SCG3: variants seen among roughly 807,000 people sequenced by gnomAD.
The protein encoded by SCG3 is secretogranin-3.
A neutral mutation model predicts 56.2 loss-of-function variants in SCG3; 38 were observed. The ratio of observed to expected loss-of-function variants is 0.68; its 90% confidence interval spans 0.52 to 0.89. SCG3 has a LOEUF of 0.89. SCG3 is among the 40% of genes least tolerant of loss of function. The probability of loss-of-function intolerance (pLI) is 0.00; values close to 1 mark genes in which losing one functional copy is unlikely to be tolerated. For missense variants in SCG3, 524 were observed against 540.7 expected, an observed-to-expected ratio of 0.97 and a Z score of 0.31; for synonymous variants, 176 against 184.2, an observed-to-expected ratio of 0.96 and a Z score of 0.36.
intron 8 of SCG3, among the ~76,000 whole-genome samples, chr15:51,697,817 A>G (rs1281699761): frequency 6.6e-6 from 1 of 152,198 alleles, no homozygotes; most frequent in African/African-American, 2.4e-5. Context: ...TTATATACAT[A>G]TATGTATTAT....
At chr15:51,682,590 T>A in intron 2 of SCG3, 21 bp downstream of exon 2, 1 of 1,271,734 alleles carries the variant, frequency 7.9e-7, no homozygotes, top group South Asian at 1.4e-5. Context: ...AGTAACATTA[T>A]GAATGCTATT....
chr15:51,687,968 G>T (rs2055240030), intron 4 of SCG3, among the ~76,000 whole-genome samples: 1 of 152,074 alleles, frequency 6.6e-6, no homozygotes. Context: ...GTATAATATG[G>T]TTTGTATTAT....
chr15:51,711,174 T>C (rs2055418394), intron 10 of SCG3, among the ~76,000 whole-genome samples: 2 of 152,232 alleles, frequency 1.3e-5, no homozygotes, highest in Non-Finnish European at 2.9e-5. Flanking sequence ...ATTTCATCCG[T>C]CATCAGTTGA....
rs538833860 is a variant in SCG3, at chr15:51,717,046, C to T, written c.1289-2362C>T. On this transcript the variant is annotated intron_variant, in intron 11 of 11. Transcript: ENST00000220478. ...TTTGAGACCAGCCTGGTCAACATAG[C>T]GAGACCCCATCTCCACAAAAAATTT... Among the ~76,000 whole-genome samples, 26 of 151,774 alleles carry T rather than the reference C, an allele frequency of 1.7e-4. 1 individual carries two copies. The East Asian group carries it at 2.6e-3, about 15-fold the overall frequency.
At chr15:51,701,064 A>G in intron 9 of SCG3, 43 bp from the exon 10 acceptor site, 1 of 1,604,922 alleles carries the variant, frequency 6.2e-7, no homozygotes, top group Non-Finnish European at 8.5e-7. Context: ...CAATTAATAG[A>G]TAGGAAACAG....
rs764247472 is a variant in SCG3, at chr15:51,683,402, C to G, written c.365C>G (p.Ser122Cys). 2.7e-5 allele frequency: 43 copies of G among 1,612,578 alleles called. No homozygotes were observed. The highest frequency in any genetic ancestry group is 8.4e-5 in the Admixed American group (5 of 59,862). ...CGAAAACTGATCGATGATTATGACT[C>G]TACTAAGAGTGGATTGGATCATAAA... ...KNRKLIDDYD[S>C]TKSGLDHKFQ... The change falls in exon 4 of 12, where the codon TCT becomes TGT. Residue 122 changes from serine to cysteine, a missense_variant. Physicochemically the swap from Ser to Cys is moderately radical, Grantham distance 112. Coordinates refer to ENST00000220478, the MANE Select transcript of SCG3 (RefSeq NM_013243.4).
intron 9 of SCG3, among the ~76,000 whole-genome samples, chr15:51,700,657 A>G (rs1294196650): frequency 6.6e-6 from 1 of 152,184 alleles, no homozygotes; most frequent in East Asian, 1.9e-4. Context: ...TCAAAAATGC[A>G]ATGTCAAGGA....
rs768265334 is a variant in SCG3, at chr15:51,692,345, T to G, written c.868+9T>G. On this transcript the variant is annotated intron_variant, in intron 7 of 11. Transcript: ENST00000220478. The stretch of plus-strand genomic sequence containing the variant: ...GAAAAGTATTGATTCAGGTAACCAC[T>G]GTGTGGTTGTGATTATGTGGAACAG... 26 of 1,606,402 alleles carry G rather than the reference T, an allele frequency of 1.6e-5. No individual in the cohort carries two copies. The highest frequency in any genetic ancestry group is 2.0e-5 in the Non-Finnish European group (24 of 1,175,076).
At chr15:51,694,012 C>A (rs2055285590) in intron 7 of SCG3, 1 of 152,210 alleles carries the variant, frequency 6.6e-6, no homozygotes, top group Non-Finnish European at 1.5e-5. Context: ...TGACTCTTCT[C>A]CCATTTTTCC....
At chr15:51,682,699 A>G in intron 2 of SCG3, 130 bp downstream of exon 2, 2 of 615,038 alleles carry the variant, frequency 3.3e-6, no homozygotes, top group African/African-American at 3.9e-5. Context: ...TAATTGACAG[A>G]AATTAGGACG....
At chr15:51,710,636 G>A (rs2055414401) in intron 10 of SCG3, among the ~76,000 whole-genome samples, 1 of 152,028 alleles carries the variant, frequency 6.6e-6, no homozygotes, top group African/African-American at 2.4e-5. Flanking sequence ...GTCCAAGCTG[G>A]AGTGCAGTGG....
intron 9 of SCG3, among the ~76,000 whole-genome samples, chr15:51,699,996 T>C (rs954367929): frequency 6.6e-6 from 1 of 152,178 alleles, no homozygotes; most frequent in African/African-American, 2.4e-5. Context: ...AGTTTGCAAA[T>C]GGCAGATTCT....
chr15:51,682,581 G>A lies in SCG3; in HGVS notation c.135+12G>A. The A allele has an allele frequency of 7.5e-7, 1 of 1,334,720 alleles. No homozygotes were observed. Among genetic ancestry groups the A allele is most frequent in the Non-Finnish European group, 1.0e-6 (1 of 979,586 alleles). The allele number at this position is 1,334,720 out of a possible 1,614,324, so 82.7% of individuals were successfully genotyped here. A position where few individuals can be genotyped will look rare whatever the true frequency, so the allele number is the denominator to read the frequency against. On this transcript the variant is annotated intron_variant, in intron 2 of 11. Coordinates refer to ENST00000220478, the MANE Select transcript of SCG3 (RefSeq NM_013243.4). ...CTTTGAATGAACAGGTAGGTCAAAA[G>A]TAACATTATGAATGCTATTTCATTT...
chr15:51,704,453 A>G (rs1042828669), intron 10 of SCG3, among the ~76,000 whole-genome samples: 2 of 150,386 alleles, frequency 1.3e-5, no homozygotes, highest in African/African-American at 4.9e-5. Context: ...CTCTGTACCA[A>G]TTAAACAACA....
At chr15:51,684,274 A>G (rs1026285267) in intron 4 of SCG3, among the ~76,000 whole-genome samples, 3 of 152,204 alleles carry the variant, frequency 2.0e-5, no homozygotes, top group African/African-American at 7.2e-5. Flanking sequence ...TGTAAACTAT[A>G]GCAAAATCTA....
intron 11 of SCG3, among the ~76,000 whole-genome samples, chr15:51,716,881 T>A (rs1459993482): frequency 2.0e-5 from 3 of 152,252 alleles, no homozygotes; most frequent in Non-Finnish European, 4.4e-5. Context: ...AACAGCTGGC[T>A]GACTGGCTTC....
chr15:51,691,261 T>C (rs1322528235), intron 6 of SCG3, among the ~76,000 whole-genome samples: 2 of 152,176 alleles, frequency 1.3e-5, no homozygotes, highest in Non-Finnish European at 2.9e-5. Flanking sequence ...GGCCAGACCA[T>C]GCAGCGCCTT....
At position 51,683,449 on chromosome 15, in the gene SCG3, A is replaced by AAGAACT; in HGVS notation, c.397+16_397+21dup. On this transcript the variant is annotated intron_variant, in intron 4 of 11. Coordinates refer to ENST00000220478, the MANE Select transcript of SCG3 (RefSeq NM_013243.4). ...TAAATTTCAAGGTAAATGAGAAAAA[A>AAGAACT]AGAACTTTTTGTTAACGTGGAGTTT... 6.4e-7 allele frequency: 1 copy of AAGAACT among 1,559,558 alleles called. No individual in the cohort carries two copies. The highest frequency in any genetic ancestry group is 1.4e-5 in the African/African-American group (1 of 72,366).
intron 11 of SCG3, among the ~76,000 whole-genome samples, chr15:51,717,712 C>T (rs1456825191): frequency 6.6e-6 from 1 of 152,172 alleles, no homozygotes; most frequent in Non-Finnish European, 1.5e-5. Flanking sequence ...GGGTGCAACA[C>T]CCTTCCAGCA....
Sources: allele counts gnomAD v4.1 joint callset (sites outside exome capture counted in the v4.1 genomes callset), GRCh38; gene constraint gnomAD v4.1.1; transcripts MANE v1.5; gene names NCBI Gene and HGNC (gene_info 2026-07-23, HGNC 2026-07-21).